Variants in ADAMTS18 observed in about 807,000 individuals in gnomAD.
ADAMTS18 encodes the protein A disintegrin and metalloproteinase with thrombospondin motifs 18.
A neutral mutation model predicts 165.9 loss-of-function variants in ADAMTS18; 157 were observed. The ratio of observed to expected loss-of-function variants is 0.95; its 90% CI spans 0.83 to 1.08. The LOEUF (loss-of-function observed/expected upper bound fraction) is 1.08, where lower values mean the gene tolerates loss of function less well. ADAMTS18 is among the 50% of genes least tolerant of loss of function. ADAMTS18 has a pLI of 0.00. For synonymous variants in ADAMTS18, 782 were observed against 578.2 expected (o/e 1.35, Z -5.06); for missense variants, 2,040 against 1,534.0 (o/e 1.33, Z -5.51).
chr16:77,295,163 A>G (rs1463058316), intron 18 of ADAMTS18, 36 bp from the exon 19 acceptor site: 7 of 1,610,440 alleles, frequency 4.3e-6, no homozygotes, highest in Non-Finnish European at 5.1e-6. Flanking sequence ...AATGAAGCCA[A>G]ACTTTGTATG....
chr16:77,290,979 A>T (rs2055350945), intron 21 of ADAMTS18: 1 of 480,958 alleles, frequency 2.1e-6, no homozygotes, highest in African/African-American at 2.0e-5. Context: ...AATGACCAAC[A>T]TTAGCAGTGT....
intron 16 of ADAMTS18, among the ~76,000 whole-genome samples, chr16:77,314,445 T>TA (rs1354788576): frequency 2.6e-5 from 4 of 151,358 alleles, no homozygotes; most frequent in African/African-American, 9.7e-5. Context: ...CCATCTCTAC[T>TA]AAAAAACATA....
At chr16:77,312,645 C>T (rs984880690) in intron 16 of ADAMTS18, among the ~76,000 whole-genome samples, 3 of 152,168 alleles carry the variant, frequency 2.0e-5, no homozygotes, top group African/African-American at 7.2e-5. Flanking sequence ...ACATACAGAG[C>T]TATGCATGGA....
Position 77,367,593 on chromosome 16 carries a change from T to TC in ADAMTS18, c.625dup (p.Glu209GlyfsTer66). On this transcript the variant is annotated frameshift_variant, in exon 4 of 23. Transcript: ENST00000282849. LOFTEE classifies it high-confidence loss of function. ...GTAGCCACGGTACCGCTGGATCTTC[T>TC]CCTCTGCTGTCCTTTTGTACAGTAC... is the stretch of plus-strand genomic sequence containing the variant. 2 of 1,614,222 alleles carry TC rather than the reference T, an allele frequency of 1.2e-6. No homozygotes were observed. Among genetic ancestry groups the TC allele is most frequent in the South Asian group, 2.2e-5 (2 of 91,090 alleles).
intron 16 of ADAMTS18, among the ~76,000 whole-genome samples, chr16:77,315,156 TA>T (rs769808162): frequency 2.0e-5 from 3 of 151,478 alleles, no homozygotes; most frequent in East Asian, 3.9e-4. Flanking sequence ...CATCATGGCC[TA>T]AAAAAAAATT....
At chr16:77,422,991 TGAG>T (rs1442281500) in intron 3 of ADAMTS18, among the ~76,000 whole-genome samples, 2 of 152,236 alleles carry the variant, frequency 1.3e-5, no homozygotes, top group Non-Finnish European at 2.9e-5. Context: ...ACAATGACTC[TGAG>T]TCCCCCATAG....
chr16:77,423,464 T>C (rs1326242257), intron 3 of ADAMTS18, among the ~76,000 whole-genome samples: 2 of 152,192 alleles, frequency 1.3e-5, no homozygotes, highest in Non-Finnish European at 2.9e-5. Context: ...GATATAGTAA[T>C]AATATCATTC....
intron 4 of ADAMTS18, among the ~76,000 whole-genome samples, chr16:77,365,517 G>T (rs1292074867): frequency 6.6e-6 from 1 of 152,176 alleles, no homozygotes; most frequent in African/African-American, 2.4e-5. Context: ...CATAGTTGGG[G>T]ATGATATTAA....
rs546878263 is a variant in ADAMTS18, at chr16:77,289,378, G to T, written c.3436C>A (p.Arg1146=). The part of the protein sequence containing the change: ...TVTCGGGVQT[R]SVHCVQQGRP... ...CCTTGCTGAACACAGTGGACTGACC[G>T]GGTCTGGACCCCTCCCCCACAGGTG... is the stretch of plus-strand genomic sequence containing the variant. The change falls in exon 22 of 23, where the codon CGG becomes AGG. Residue 1146 remains arginine (R), a synonymous_variant. Transcript: ENST00000282849. 343 of 1,614,100 alleles carry T rather than the reference G, an allele frequency of 2.1e-4. 1 individual carries two copies. In the South Asian group the frequency reaches 3.6e-3, roughly 17 times the overall value.
intron 14 of ADAMTS18, 134 bp from the exon 15 acceptor site, chr16:77,321,336 G>A: frequency 8.2e-7 from 1 of 1,218,684 alleles, no homozygotes; most frequent in South Asian, 1.3e-5. Flanking sequence ...AAAAATCACA[G>A]CCTCAAGTTG....
rs76020958 is a variant in ADAMTS18 at position 77,369,423 on chromosome 16, A to G, written c.496-1700T>C. Among the ~76,000 whole-genome samples, 5 of 152,072 alleles carry G rather than the reference A, an allele frequency of 3.3e-5. No individual in the cohort carries two copies. The East Asian group carries it at 9.7e-4, about 29-fold the overall frequency. ...TATTTTTCAAATTCCTTGAGGTGCA[A>G]TATTAAGTTGGGTTATTTTTGGGAT... On this transcript the variant is annotated intron_variant, in intron 3 of 22. Transcript: ENST00000282849.
At chr16:77,307,783 A>T in intron 16 of ADAMTS18, among the ~76,000 whole-genome samples, 1 of 151,814 alleles carries the variant, frequency 6.6e-6, no homozygotes, top group East Asian at 1.9e-4. Context: ...CCTTACACTG[A>T]TTGTATCTTG....
chr16:77,384,374 T>G (rs979113337), intron 3 of ADAMTS18, among the ~76,000 whole-genome samples: 5 of 152,202 alleles, frequency 3.3e-5, no homozygotes, highest in Admixed American at 3.3e-4. Context: ...CTAGTTTCTC[T>G]CTCTTTCCCT....
chr16:77,422,021 T>G (rs2057609303), intron 3 of ADAMTS18, among the ~76,000 whole-genome samples: 1 of 152,200 alleles, frequency 6.6e-6, no homozygotes, highest in South Asian at 2.1e-4. Flanking sequence ...TTATGTATGT[T>G]TTAACCACAC....
At chr16:77,301,657 C>T (rs1178079207) in intron 16 of ADAMTS18, among the ~76,000 whole-genome samples, 2 of 152,210 alleles carry the variant, frequency 1.3e-5, no homozygotes, top group Non-Finnish European at 2.9e-5. Flanking sequence ...TGGTGGGTGG[C>T]AGCTGTTCAA....
intron 4 of ADAMTS18, among the ~76,000 whole-genome samples, chr16:77,366,695 A>C (rs2056799980): frequency 6.6e-6 from 1 of 152,270 alleles, no homozygotes; most frequent in African/African-American, 2.4e-5. Context: ...ATGCAGATTA[A>C]GTATTTCCAA....
chr16:77,353,648 G>A, intron 10 of ADAMTS18, 85 bp downstream of exon 10: 1 of 1,595,634 alleles, frequency 6.3e-7, no homozygotes, highest in Non-Finnish European at 8.6e-7. Context: ...CCTTGGCCTT[G>A]GCAAACCAAA....
chr16:77,285,478 C>G (rs1215959441), intron 22 of ADAMTS18, among the ~76,000 whole-genome samples: 1 of 152,068 alleles, frequency 6.6e-6, no homozygotes, highest in Non-Finnish European at 1.5e-5. Context: ...GGCCATTTTA[C>G]TGTATTTTTA....
intron 3 of ADAMTS18, among the ~76,000 whole-genome samples, chr16:77,412,110 A>G (rs553111339): frequency 8.6e-5 from 13 of 152,020 alleles, no homozygotes; most frequent in Non-Finnish European, 1.5e-5. Flanking sequence ...TCATTCATCC[A>G]CCAGGTGGGT....
Sources: allele counts gnomAD v4.1 joint callset (sites outside exome capture counted in the v4.1 genomes callset), GRCh38; gene constraint gnomAD v4.1.1; transcripts MANE v1.5; gene names NCBI Gene and HGNC (gene_info 2026-07-23, HGNC 2026-07-21).